The following ASB3 variants were observed in gnomAD, a reference collection of about 807,000 sequenced individuals.
ASB3 encodes ankyrin repeat and SOCS box protein 3.
Under a neutral mutation model 54.5 loss-of-function variants are expected in ASB3, and 41 were observed. The ratio of observed to expected loss-of-function variants is 0.75; its 90% CI spans 0.59 to 0.98. ASB3 has a LOEUF of 0.98. Ranked by LOEUF, ASB3 falls within the 50% of genes least tolerant of loss-of-function variation. ASB3 has a pLI of 0.00. For synonymous variants in ASB3, 266 were observed against 221.2 expected (o/e 1.20, Z -1.80); for missense variants, 733 against 620.0 (o/e 1.18, Z -1.94).
intron 9 of ASB3, among the ~76,000 whole-genome samples, chr2:53,671,816 G>A (rs562544322): frequency 7.7e-5 from 9 of 117,320 alleles, no homozygotes; most frequent in Non-Finnish European, 1.0e-4. Flanking sequence ...GATGAAAAGT[G>A]TTAAATAAAG....
intron 3 of ASB3, 112 bp from the exon 4 acceptor site, chr2:53,729,682 T>C (rs1002760383): frequency 2.8e-5 from 23 of 828,538 alleles, no homozygotes; most frequent in Non-Finnish European, 4.4e-5. Flanking sequence ...AATGCTCTGA[T>C]TATTCCTAAA....
chr2:53,685,041 G>A (rs1668561767), intron 9 of ASB3, among the ~76,000 whole-genome samples: 1 of 152,158 alleles, frequency 6.6e-6, no homozygotes, highest in Non-Finnish European at 1.5e-5. Flanking sequence ...TACTCATGGT[G>A]GGACAGCACG....
At chr2:53,703,967 G>C (rs1013992676) in intron 7 of ASB3, among the ~76,000 whole-genome samples, 3 of 152,118 alleles carry the variant, frequency 2.0e-5, no homozygotes. Flanking sequence ...ATTAATTTTG[G>C]AAAATTGAAT....
In ASB3 at chr2:53,752,840, A is replaced by T. The variant is rs140130310; in HGVS notation, c.197-1899T>A. ...ACCCATCAGGGAAAGGAATCAACAG[A>T]AGCAGTAAGAGACTAAGAAAGATGG... is the stretch of plus-strand genomic sequence containing the variant. On this transcript the variant is annotated intron_variant, in intron 2 of 9. Transcript: ENST00000263634. Among the ~76,000 whole-genome samples the T allele has an allele frequency of 5.3e-5, 8 of 152,358 alleles. No individual in the cohort carries two copies. In the East Asian group the frequency reaches 1.5e-3, roughly 29 times the overall value.
At chr2:53,755,160 T>G (rs1667813210) in intron 2 of ASB3, among the ~76,000 whole-genome samples, 1 of 152,236 alleles carries the variant, frequency 6.6e-6, no homozygotes, top group South Asian at 2.1e-4. Context: ...AATGAGCACT[T>G]CAGGTCTTTC....
At position 53,714,585 on chromosome 2, in the gene ASB3, T is replaced by C. The variant is rs755093352; in HGVS notation, c.783-4A>G. The C allele has an allele frequency of 4.3e-6, 7 of 1,612,986 alleles. No individual in the cohort carries two copies. The highest frequency in any genetic ancestry group is 4.5e-5 in the East Asian group (2 of 44,878). On this transcript the variant is annotated splice_polypyrimidine_tract_variant and splice_region_variant and intron_variant, in intron 6 of 9. Coordinates refer to ENST00000263634, the MANE Select transcript of ASB3 (RefSeq NM_016115.5). ...TGGTATTAACAAGTCCAAGATTCTA[T>C]AAATACACAAATTCAGGAGAATTTA...
chr2:53,701,286 A>T (rs1272382883), intron 7 of ASB3, among the ~76,000 whole-genome samples: 2 of 152,226 alleles, frequency 1.3e-5, no homozygotes, highest in East Asian at 3.8e-4. Context: ...ATTAAAAAAA[A>T]TTTAAAAACT....
intron 8 of ASB3, 125 bp downstream of exon 8, chr2:53,700,146 C>T (rs1669406915): frequency 6.9e-7 from 1 of 1,442,352 alleles, no homozygotes; most frequent in African/African-American, 1.4e-5. Flanking sequence ...CTCCTTCACC[C>T]CAATTCAGCC....
intron 1 of ASB3, chr2:53,774,335 C>A (rs377090726): frequency 1.2e-6 from 2 of 1,613,424 alleles, no homozygotes; most frequent in Non-Finnish European, 1.7e-6. Flanking sequence ...CTTGGTCCTG[C>A]ACCTCTGGAA....
intron 3 of ASB3, among the ~76,000 whole-genome samples, chr2:53,745,392 G>C (rs1016884646): frequency 6.6e-6 from 1 of 152,176 alleles, no homozygotes; most frequent in African/African-American, 2.4e-5. Context: ...CCCCTTTCTC[G>C]TGAGGTTTTC....
chr2:53,766,442 G>A (rs914796894), intron 1 of ASB3, among the ~76,000 whole-genome samples: 3 of 152,150 alleles, frequency 2.0e-5, no homozygotes, highest in South Asian at 2.1e-4. Context: ...TCTCAGATGT[G>A]ATAATGGCAT....
rs923805244 is a variant in ASB3, at chr2:53,750,935, G to A, written c.203C>T (p.Ser68Phe). The A allele has an allele frequency of 5.2e-6, 8 of 1,549,902 alleles. No individual in the cohort carries two copies. In the African/African-American group the frequency reaches 9.7e-5, roughly 19 times the overall value. The part of the protein sequence containing the change: ...CLQMLINADS[S>F]ENYIKMKTFE... ...GGTCTTCATCTTAATGTAGTTTTCAGATGAATCTGTGGAAGAATCAAAGCC... is the reference window on the plus strand; with the variant it reads ...GGTCTTCATCTTAATGTAGTTTTCAAATGAATCTGTGGAAGAATCAAAGCC... The change falls in exon 3 of 10, where the codon TCT becomes TTT. Residue 68 changes from serine (S) to phenylalanine (F), a missense_variant. Transcript: ENST00000263634.
At chr2:53,728,885 A>T in intron 4 of ASB3, 38 bp from the exon 5 acceptor site, 1 of 1,550,162 alleles carries the variant, frequency 6.5e-7, no homozygotes, top group Non-Finnish European at 8.7e-7. Flanking sequence ...AGAAAAAAAC[A>T]AAGAAAATAG....
In ASB3 at chr2:53,707,084, A is replaced by G. The variant is rs192332178; in HGVS notation, c.981-6556T>C. ...GCTGTAGGAGAGTTACTATGGGTCA[A>G]TTCTCTATACCACTGCCATGCAGCG... is the stretch of plus-strand genomic sequence containing the variant. On this transcript the variant is annotated intron_variant, in intron 7 of 9. Transcript: ENST00000263634. Among the ~76,000 whole-genome samples the G allele has an allele frequency of 2.0e-5, 3 of 152,318 alleles. No individual in the cohort carries two copies. In the East Asian group the frequency reaches 5.8e-4, roughly 29 times the overall value.
At chr2:53,754,579 T>G (rs1219363411) in intron 2 of ASB3, among the ~76,000 whole-genome samples, 1 of 152,196 alleles carries the variant, frequency 6.6e-6, no homozygotes, top group Non-Finnish European at 1.5e-5. Flanking sequence ...AAGATAACAT[T>G]TGAAGTTGGA....
intron 7 of ASB3, among the ~76,000 whole-genome samples, chr2:53,708,389 T>C (rs912707704): frequency 2.6e-5 from 4 of 152,238 alleles, no homozygotes; most frequent in African/African-American, 7.2e-5. Context: ...TGTGGAACTA[T>C]GGGCCAATTA....
chr2:53,708,174 C>T (rs931307799), intron 7 of ASB3, among the ~76,000 whole-genome samples: 31 of 152,160 alleles, frequency 2.0e-4, no homozygotes, highest in African/African-American at 7.0e-4. Flanking sequence ...TTAGCACCAT[C>T]CCCCTCGGTA....
chr2:53,692,464 G>C (rs1294274182), intron 9 of ASB3, among the ~76,000 whole-genome samples: 2 of 152,058 alleles, frequency 1.3e-5, no homozygotes, highest in Non-Finnish European at 2.9e-5. Flanking sequence ...CTCTGAGAAA[G>C]GTTTTCTTGA....
At chr2:53,762,375 A>G (rs563860833) in intron 2 of ASB3, among the ~76,000 whole-genome samples, 1 of 152,352 alleles carries the variant, frequency 6.6e-6, no homozygotes, top group East Asian at 1.9e-4. Flanking sequence ...AAACCTGTCC[A>G]AAGTCACACC....
Sources: gnomAD v4.1 joint callset for allele counts (sites outside exome capture counted in the v4.1 genomes callset) on GRCh38, gnomAD v4.1.1 for gene constraint, MANE v1.5 for transcripts, NCBI Gene and HGNC (gene_info 2026-07-23, HGNC 2026-07-21) for gene names.